The following LRRK1 variants were observed in gnomAD, a reference collection of about 807,000 sequenced individuals.
The protein encoded by LRRK1 is leucine-rich repeat serine/threonine-protein kinase 1.
A neutral mutation model predicts 209.1 loss-of-function variants in LRRK1; 113 were observed. That is an observed-to-expected ratio of 0.54 (90% confidence interval 0.46 to 0.63). The LOEUF is 0.63. Ranked by LOEUF, LRRK1 falls within the 30% of genes least tolerant of loss-of-function variation. The pLI, the probability that LRRK1 is intolerant of heterozygous loss-of-function variation, is 0.00. For missense variants in LRRK1, 2,284 were observed against 2,632.2 expected (o/e 0.87, Z 2.89); for synonymous variants, 1,144 against 1,099.7 (o/e 1.04, Z -0.80).
At chr15:100,970,476 C>G (rs548189495) in intron 2 of LRRK1, among the ~76,000 whole-genome samples, 1 of 152,286 alleles carries the variant, frequency 6.6e-6, no homozygotes, top group East Asian at 1.9e-4. Flanking sequence ...TATTTTTCAA[C>G]CCTCTGTTCT....
chr15:101,006,052 T>C (rs1394839384), intron 6 of LRRK1, among the ~76,000 whole-genome samples: 1 of 152,094 alleles, frequency 6.6e-6, no homozygotes, highest in Non-Finnish European at 1.5e-5. Flanking sequence ...CCCCATAGAT[T>C]GTGTACTAAT....
At chr15:101,029,634 G>A (rs2034195915) in intron 20 of LRRK1, among the ~76,000 whole-genome samples, 2 of 152,080 alleles carry the variant, frequency 1.3e-5, no homozygotes, top group African/African-American at 2.4e-5. Flanking sequence ...TTGGGAGGCC[G>A]AGGTGGCCAG....
intron 3 of LRRK1, among the ~76,000 whole-genome samples, chr15:100,978,953 G>A (rs1219171797): frequency 6.6e-6 from 1 of 152,052 alleles, no homozygotes; most frequent in Admixed American, 6.5e-5. Context: ...GAAAAGTACG[G>A]ACCAATGCCC....
intron 31 of LRRK1, chr15:101,064,470 G>A (rs1221123247): frequency 1.3e-5 from 2 of 153,058 alleles, no homozygotes; most frequent in Non-Finnish European, 2.9e-5. Flanking sequence ...CTCTGCCCTG[G>A]GAGGTGCCCC....
rs921200216 is a variant in LRRK1 at position 101,011,336 on chromosome 15, C to T, written c.1281+499C>T. On this transcript the variant is annotated intron_variant, in intron 9 of 33. Coordinates refer to ENST00000388948, the MANE Select transcript of LRRK1 (RefSeq NM_024652.6). ...AAAAAAAAAAAAAAAATAAGCTGGGCGTGGTGGCACGTGGCTGTAGTCCCA... is the reference window on the plus strand; with the variant it reads ...AAAAAAAAAAAAAAAATAAGCTGGGTGTGGTGGCACGTGGCTGTAGTCCCA... Among the ~76,000 whole-genome samples, 7 of 151,078 alleles carry T rather than the reference C, an allele frequency of 4.6e-5. No homozygotes were observed. In the East Asian group the frequency reaches 5.8e-4, roughly 13 times the overall value.
At position 101,077,500 on chromosome 15, in the gene LRRK1, A is replaced by G. The variant is rs1410315838; in HGVS notation, c.*8652A>G. The G allele has an allele frequency of 6.6e-6, 1 of 152,192 alleles. No homozygotes were observed. Among genetic ancestry groups the G allele is most frequent in the African/African-American group, 2.4e-5 (1 of 41,432 alleles). The allele number at this position is 152,192 out of a possible 1,614,324, so 9.4% of individuals were successfully genotyped here. On this transcript the variant is annotated 3_prime_UTR_variant, in exon 34 of 34. Coordinates refer to ENST00000388948, the MANE Select transcript of LRRK1 (RefSeq NM_024652.6). ...TGGCACTCTCTAATCAGATGTCCTG[A>G]GTCATCTCAATTCTTAGACCTTTTA...
chr15:101,021,513 A>G (rs2033783870), intron 13 of LRRK1, among the ~76,000 whole-genome samples: 1 of 152,158 alleles, frequency 6.6e-6, no homozygotes, highest in African/African-American at 2.4e-5. Context: ...ATGAGAGTGT[A>G]AAATGTTATA....
chr15:101,051,269 C>T (rs559557992), intron 23 of LRRK1, among the ~76,000 whole-genome samples: 1 of 152,346 alleles, frequency 6.6e-6, no homozygotes, highest in South Asian at 2.1e-4. Context: ...ATAATTTGCA[C>T]TCATTTCTGC....
chr15:100,953,313 C>T (rs1258070492), intron 2 of LRRK1, among the ~76,000 whole-genome samples: 2 of 152,164 alleles, frequency 1.3e-5, no homozygotes, highest in Non-Finnish European at 2.9e-5. Context: ...TTGGCAACCA[C>T]CATTCACTCT....
chr15:100,933,007 C>T (rs1232265797), intron 2 of LRRK1, among the ~76,000 whole-genome samples: 1 of 152,186 alleles, frequency 6.6e-6, no homozygotes, highest in East Asian at 1.9e-4. Context: ...CTCCATCGGC[C>T]TCCCGCCTCC....
intron 10 of LRRK1, among the ~76,000 whole-genome samples, chr15:101,012,930 C>T (rs971414893): frequency 6.6e-6 from 1 of 152,164 alleles, no homozygotes; most frequent in African/African-American, 2.4e-5. Flanking sequence ...TCATACTCCT[C>T]GCAGGGTACT....
chr15:101,020,023 G>A (rs2033704717), intron 12 of LRRK1, among the ~76,000 whole-genome samples: 1 of 152,208 alleles, frequency 6.6e-6, no homozygotes, highest in South Asian at 2.1e-4. Flanking sequence ...GAATGGCATT[G>A]TAAGAAGCAT....
rs1231870718 is a variant in LRRK1, at chr15:101,027,853, C to T, written c.2686+56C>T. 1.8e-5 allele frequency: 27 copies of T among 1,466,738 alleles called. No homozygotes were observed. The South Asian group carries it at 3.1e-4, about 17-fold the overall frequency. 90.9% of individuals were successfully genotyped at this position (1,466,738 alleles called of 1,614,324 possible). A position where few individuals can be genotyped will look rare whatever the true frequency, so the allele number is the denominator to read the frequency against. ...CCCGTGAGAAATGGAACTGTCTGTA[C>T]TTGCTAACTTCAGCTTGGCCTCAGT... On this transcript the variant is annotated intron_variant, in intron 19 of 33. Coordinates refer to ENST00000388948, the MANE Select transcript of LRRK1 (RefSeq NM_024652.6). The surrounding 1 kb of genome is among the most constrained non-coding windows in gnomAD (Gnocchi z 5.1).
chr15:100,942,769 G>A (rs547687284), intron 2 of LRRK1, among the ~76,000 whole-genome samples: 26 of 152,072 alleles, frequency 1.7e-4, no homozygotes, highest in African/African-American at 4.6e-4. Context: ...GACAATTCAC[G>A]GAGTAAGCAA....
At chr15:101,040,519 C>A (rs1242681570) in intron 20 of LRRK1, among the ~76,000 whole-genome samples, 8 of 152,054 alleles carry the variant, frequency 5.3e-5, no homozygotes, top group Non-Finnish European at 1.2e-4. Flanking sequence ...TTTATTTCAT[C>A]TATTACTGCT....
chr15:100,998,905 T>G (rs951321176), intron 6 of LRRK1, among the ~76,000 whole-genome samples: 2 of 152,192 alleles, frequency 1.3e-5, no homozygotes, highest in African/African-American at 4.8e-5. Context: ...GGTGGATAGA[T>G]GGATGGATGA....
intron 12 of LRRK1, among the ~76,000 whole-genome samples, chr15:101,017,595 A>ATTGTGAACC (rs1382736977): frequency 1.3e-5 from 2 of 152,074 alleles, no homozygotes; most frequent in African/African-American, 2.4e-5. Flanking sequence ...CGCGAACCCT[A>ATTGTGAACC]TTGTGAACCG....
chr15:100,922,465 A>G (rs1440297568), intron 1 of LRRK1, among the ~76,000 whole-genome samples: 1 of 152,128 alleles, frequency 6.6e-6, no homozygotes. Context: ...GAACTTAAAA[A>G]CATTGTATGG....
Position 101,065,969 on chromosome 15 carries a change from C to T in LRRK1, c.5532C>T (p.Tyr1844=). ...SLTDYCSMSS[Y]SSSPPRQAAR... is the part of the protein sequence containing the mutation. The stretch of plus-strand genomic sequence containing the variant: ...CTGACTACTGCTCCATGTCCTCCTA[C>T]TCCTCATCCCCACCCCGCCAGGCTG... Residue 1844 remains tyrosine, a synonymous_variant, in exon 32 of 34, where the codon TAC becomes TAT. Transcript: ENST00000388948. 7 of 1,614,158 alleles carry T rather than the reference C, an allele frequency of 4.3e-6. No individual in the cohort carries two copies. Among genetic ancestry groups the T allele is most frequent in the Non-Finnish European group, 5.9e-6 (7 of 1,180,026 alleles).
Sources: gnomAD v4.1 joint callset for allele counts (sites outside exome capture counted in the v4.1 genomes callset) on GRCh38, gnomAD v4.1.1 for gene constraint, Gnocchi (gnomAD v3.1) non-coding constraint, MANE v1.5 for transcripts, NCBI Gene and HGNC (gene_info 2026-07-23, HGNC 2026-07-21) for gene names.